The following ADAM12 variants were observed in gnomAD, a reference collection of about 807,000 sequenced individuals.
ADAM12 encodes ADAM metallopeptidase domain 12.
A neutral mutation model predicts 106.4 loss-of-function variants in ADAM12; 70 were observed. The ratio of observed to expected loss-of-function variants is 0.66; its 90% CI spans 0.54 to 0.80. ADAM12 has a LOEUF of 0.80. Ranked by LOEUF, ADAM12 falls within the 30% of genes least tolerant of loss-of-function variation. The probability of loss-of-function intolerance (pLI) is 0.00; values close to 1 mark genes in which losing one functional copy is unlikely to be tolerated. For missense variants in ADAM12, 1,010 were observed against 1,171.9 expected (o/e 0.86, Z 2.02); for synonymous variants, 420 against 433.5 (o/e 0.97, Z 0.39).
chr10:126,248,445 C>T (rs1291093637), intron 3 of ADAM12, among the ~76,000 whole-genome samples: 2 of 152,122 alleles, frequency 1.3e-5, no homozygotes, highest in Admixed American at 6.5e-5. Context: ...CAAACACAGG[C>T]CTTGCCACCC....
chr10:126,308,135 T>C (rs11244946), intron 2 of ADAM12, among the ~76,000 whole-genome samples: 22,612 of 152,166 alleles, frequency 0.15, 2,128 homozygotes, highest in Non-Finnish European at 0.21. Flanking sequence ...TCAAGGATGG[T>C]TCCTTGACGG....
chr10:126,052,574 C>T (rs761408233), intron 14 of ADAM12, among the ~76,000 whole-genome samples: 2 of 152,274 alleles, frequency 1.3e-5, no homozygotes, highest in South Asian at 2.1e-4. Context: ...GTTTCAGACA[C>T]GTGAGCTTAC....
At chr10:126,101,942 A>G (rs2133581843) in intron 8 of ADAM12, among the ~76,000 whole-genome samples, 1 of 152,266 alleles carries the variant, frequency 6.6e-6, no homozygotes, top group African/African-American at 2.4e-5. Context: ...CTGTGAAACA[A>G]AGCATCCGGC....
chr10:126,265,342 A>T (rs1389968716), intron 3 of ADAM12, among the ~76,000 whole-genome samples: 1 of 152,250 alleles, frequency 6.6e-6, no homozygotes, highest in East Asian at 1.9e-4. Flanking sequence ...TAATAAAAGA[A>T]GAAAGAATGA....
chr10:126,136,478 T>C (rs1023449339), intron 4 of ADAM12, among the ~76,000 whole-genome samples: 1 of 152,188 alleles, frequency 6.6e-6, no homozygotes, highest in Non-Finnish European at 1.5e-5. Flanking sequence ...GAAAGGTACA[T>C]GCATCTTCTC....
rs1444166200 is a variant in ADAM12 at position 126,014,817 on chromosome 10, T to C, written c.*2462A>G. 1 of 144,972 alleles carries C rather than the reference T, an allele frequency of 6.9e-6. No homozygotes were observed. 9.0% of individuals were successfully genotyped at this position (144,972 alleles called of 1,614,324 possible). A position where few individuals can be genotyped will look rare whatever the true frequency, so the allele number is the denominator to read the frequency against. ...AAACTCAAACCACCTCTATTATTCA[T>C]GCCTATACAGTCTTTTAAAAAAATA... On this transcript the variant is annotated 3_prime_UTR_variant, in exon 23 of 23. Transcript: ENST00000448723.
At chr10:126,059,114 TC>T (rs2133464826) in intron 14 of ADAM12, among the ~76,000 whole-genome samples, 1 of 152,368 alleles carries the variant, frequency 6.6e-6, no homozygotes, top group South Asian at 2.1e-4. Context: ...AGTTTTATCT[TC>T]AGAGTGCTAT....
intron 11 of ADAM12, among the ~76,000 whole-genome samples, chr10:126,078,605 G>T (rs1186162338): frequency 6.6e-6 from 1 of 152,168 alleles, no homozygotes; most frequent in African/African-American, 2.4e-5. Context: ...TAGTAATTGA[G>T]TTAAAATATA....
At chr10:126,101,276 G>T (rs745525725) in intron 8 of ADAM12, 35 bp from the exon 9 acceptor site, 3 of 1,596,932 alleles carry the variant, frequency 1.9e-6, no homozygotes, top group East Asian at 4.5e-5. Context: ...ATTGGAGTTG[G>T]GATCACGTTA....
At chr10:126,337,154 G>C (rs1854730923) in intron 1 of ADAM12, among the ~76,000 whole-genome samples, 1 of 152,228 alleles carries the variant, frequency 6.6e-6, no homozygotes, top group Non-Finnish European at 1.5e-5. Flanking sequence ...AGCTGGGAAA[G>C]ACAGAGGCTG....
At chr10:126,161,104 C>T (rs1301853543) in intron 3 of ADAM12, among the ~76,000 whole-genome samples, 2 of 139,552 alleles carry the variant, frequency 1.4e-5, no homozygotes, top group Non-Finnish European at 3.2e-5. Context: ...TATGCGTCTC[C>T]TTACTTATTT....
intron 20 of ADAM12, among the ~76,000 whole-genome samples, chr10:126,037,452 G>T (rs747813960): frequency 1.3e-5 from 2 of 152,174 alleles, no homozygotes; most frequent in Admixed American, 1.3e-4. Flanking sequence ...CACCCTTTGC[G>T]TTTTTTGGAT....
chr10:126,344,233 T>A (rs1350069988), intron 1 of ADAM12, among the ~76,000 whole-genome samples: 1 of 152,322 alleles, frequency 6.6e-6, no homozygotes, highest in East Asian at 1.9e-4. Flanking sequence ...TTCAGCTTTC[T>A]ACATATGGCT....
chr10:126,335,460 G>A (rs953769240), intron 1 of ADAM12, among the ~76,000 whole-genome samples: 2 of 152,214 alleles, frequency 1.3e-5, no homozygotes, highest in African/African-American at 4.8e-5. Flanking sequence ...GGAAACTGAT[G>A]AAGCAATTTT....
In ADAM12 at chr10:126,170,796, C is replaced by T. The variant is rs141441589; in HGVS notation, c.261-15491G>A. Among the ~76,000 whole-genome samples, 470 of 152,346 alleles carry T rather than the reference C, an allele frequency of 3.1e-3. 2 individuals are homozygous for T. Among genetic ancestry groups the T allele is most frequent in the African/African-American group, 0.011 (451 of 41,580 alleles). On this transcript the variant is annotated intron_variant, in intron 3 of 22. Coordinates refer to ENST00000448723, the MANE Select transcript of ADAM12 (RefSeq NM_001288973.2). ...ACAAGAAGTACTTGTAATACCCATG[C>T]TGAATATTTCTGTTTCCCAGTAACG...
At chr10:126,173,805 G>C (rs77671316) in intron 3 of ADAM12, among the ~76,000 whole-genome samples, 9,938 of 151,954 alleles carry the variant, frequency 0.065, 616 homozygotes, top group African/African-American at 0.16. Context: ...TCTCAGGCCG[G>C]TCTGGGACCT....
Position 126,373,636 on chromosome 10 carries a change from T to G in ADAM12, c.88+14422A>C, listed in dbSNP as rs561439449. 2.0e-5 allele frequency among the ~76,000 whole-genome samples: 3 copies of G among 152,346 alleles called. No homozygotes were observed. The South Asian group carries it at 6.2e-4, about 32-fold the overall frequency. ...GGGATTACAATAGGCAGCCAACAAA[T>G]GTGTTGACTAAAAGACCCAAAGAAT... On this transcript the variant is annotated intron_variant, in intron 1 of 22. Transcript: ENST00000448723.
Position 126,374,588 on chromosome 10 carries a change from T to G in ADAM12, c.88+13470A>C, listed in dbSNP as rs116708638. Among the ~76,000 whole-genome samples, 205 of 152,218 alleles carry G rather than the reference T, an allele frequency of 1.3e-3. 1 individual carries two copies. Among genetic ancestry groups the G allele is most frequent in the African/African-American group, 4.7e-3 (197 of 41,546 alleles). On this transcript the variant is annotated intron_variant, in intron 1 of 22. Coordinates refer to ENST00000448723, the MANE Select transcript of ADAM12 (RefSeq NM_001288973.2). Reference sequence around the variant, plus strand: ...GAAAAATGTGAAGTCAATAGACAGTTTAAACAGCATTTAGACACAGCTCAA... The same window carrying G: ...GAAAAATGTGAAGTCAATAGACAGTGTAAACAGCATTTAGACACAGCTCAA...
chr10:126,070,878 T>C (rs908077201), intron 12 of ADAM12, among the ~76,000 whole-genome samples: 2 of 152,134 alleles, frequency 1.3e-5, no homozygotes, highest in African/African-American at 2.4e-5. Context: ...TCTTGGGCCC[T>C]ATTAAAACAA....
Sources: gnomAD v4.1 joint callset for allele counts (sites outside exome capture counted in the v4.1 genomes callset) on GRCh38, gnomAD v4.1.1 for gene constraint, MANE v1.5 for transcripts, NCBI Gene and HGNC (gene_info 2026-07-23, HGNC 2026-07-21) for gene names.